Variants in SEMA5A observed in about 807,000 individuals in gnomAD.
SEMA5A encodes semaphorin 5A.
Under a neutral mutation model 135.5 loss-of-function variants are expected in SEMA5A, and 55 were observed. The observed-to-expected ratio is 0.41, with a 90% CI of 0.33 to 0.51. The LOEUF (loss-of-function observed/expected upper bound fraction) is 0.51. Ranked by LOEUF, SEMA5A falls within the 20% of genes least tolerant of loss-of-function variation. The pLI, the probability that SEMA5A is intolerant of heterozygous loss-of-function variation, is 0.37. For missense variants in SEMA5A, 1,290 were observed against 1,419.9 expected, an observed-to-expected ratio of 0.91 and a Z score of 1.47; for synonymous variants, 580 against 546.5, an observed-to-expected ratio of 1.06 and a Z score of -0.85.
At chr5:9,326,910 T>A (rs1425725738) in intron 4 of SEMA5A, among the ~76,000 whole-genome samples, 1 of 152,232 alleles carries the variant, frequency 6.6e-6, no homozygotes, top group East Asian at 1.9e-4. Flanking sequence ...ATGATTTAAT[T>A]TAATCATGTA....
At chr5:9,463,247 T>C (rs1759124262) in intron 1 of SEMA5A, among the ~76,000 whole-genome samples, 1 of 152,066 alleles carries the variant, frequency 6.6e-6, no homozygotes. Flanking sequence ...GAATTCTAAA[T>C]AAAAGATCAT....
At chr5:9,530,154 C>T (rs371487956) in intron 1 of SEMA5A, among the ~76,000 whole-genome samples, 1 of 152,122 alleles carries the variant, frequency 6.6e-6, no homozygotes. Context: ...ATGTTAGATG[C>T]GACCATTTCC....
At chr5:9,192,670 A>C (rs1015135130) in intron 10 of SEMA5A, among the ~76,000 whole-genome samples, 7 of 151,860 alleles carry the variant, frequency 4.6e-5, no homozygotes, top group Non-Finnish European at 1.0e-4. Flanking sequence ...ACCTGTCAAC[A>C]CATGTTTTAA....
intron 1 of SEMA5A, among the ~76,000 whole-genome samples, chr5:9,492,894 A>G (rs958724404): frequency 6.6e-6 from 1 of 152,116 alleles, no homozygotes; most frequent in Non-Finnish European, 1.5e-5. Flanking sequence ...AGCACAGGGG[A>G]TTTTTAGGGC....
chr5:9,271,822 C>T (rs1214130124), intron 5 of SEMA5A, among the ~76,000 whole-genome samples: 1 of 152,148 alleles, frequency 6.6e-6, no homozygotes, highest in Non-Finnish European at 1.5e-5. Context: ...TTGTACCATG[C>T]ACTCCGGCCC....
intron 2 of SEMA5A, 42 bp from the exon 3 acceptor site, chr5:9,380,065 G>A (rs889415703): frequency 2.0e-5 from 27 of 1,327,026 alleles, no homozygotes; most frequent in Admixed American, 2.0e-4. Flanking sequence ...CTGTGAGTTC[G>A]TTTTCTGGTG....
intron 2 of SEMA5A, among the ~76,000 whole-genome samples, chr5:9,382,009 C>T (rs2126488969): frequency 6.8e-6 from 1 of 146,822 alleles, no homozygotes; most frequent in Admixed American, 6.8e-5. Flanking sequence ...AAGTTTCAGA[C>T]ACGTGGCCAG....
At chr5:9,209,809 A>C (rs1431476885) in intron 8 of SEMA5A, among the ~76,000 whole-genome samples, 2 of 152,204 alleles carry the variant, frequency 1.3e-5, no homozygotes, top group Non-Finnish European at 2.9e-5. Context: ...AATAATATAG[A>C]GACAAATTTA....
intron 12 of SEMA5A, among the ~76,000 whole-genome samples, chr5:9,147,630 G>C (rs909996110): frequency 1.3e-5 from 2 of 150,530 alleles, no homozygotes; most frequent in African/African-American, 4.9e-5. Context: ...AATTTAAAAG[G>C]TGTGACTCTT....
chr5:9,325,140 C>A (rs1217461029), intron 4 of SEMA5A, among the ~76,000 whole-genome samples: 2 of 152,090 alleles, frequency 1.3e-5, no homozygotes, highest in Non-Finnish European at 2.9e-5. Flanking sequence ...CCTGTCATTA[C>A]CAAAATGAAA....
chr5:9,532,205 T>G (rs1468150720), intron 1 of SEMA5A, among the ~76,000 whole-genome samples: 1 of 152,118 alleles, frequency 6.6e-6, no homozygotes, highest in Non-Finnish European at 1.5e-5. Context: ...CCCCATCCTC[T>G]TATCAACTAC....
Position 9,416,947 on chromosome 5 carries a change from T to C in SEMA5A, c.-78+20809A>G, listed in dbSNP as rs141571621. 8.5e-5 allele frequency among the ~76,000 whole-genome samples: 13 copies of C among 152,324 alleles called. No homozygotes were observed. The East Asian group carries it at 2.5e-3, about 29-fold the overall frequency. On this transcript the variant is annotated intron_variant, in intron 2 of 22. Coordinates refer to ENST00000382496, the MANE Select transcript of SEMA5A (RefSeq NM_003966.3). ...TACACTGAAAAAAAGAGAGATGGAA[T>C]TTAGGTAGCATTATGTTCTGTAAGT...
At chr5:9,256,674 C>T (rs1749087348) in intron 5 of SEMA5A, among the ~76,000 whole-genome samples, 1 of 152,184 alleles carries the variant, frequency 6.6e-6, no homozygotes, top group South Asian at 2.1e-4. Context: ...AAGTCCTTCC[C>T]TTGGTTCAAC....
At chr5:9,060,344 G>A (rs1737117134) in intron 18 of SEMA5A, among the ~76,000 whole-genome samples, 1 of 152,182 alleles carries the variant, frequency 6.6e-6, no homozygotes, top group Non-Finnish European at 1.5e-5. Flanking sequence ...GTGACCCTTT[G>A]TACTTGTGCA....
At chr5:9,133,201 T>G (rs1210110854) in intron 13 of SEMA5A, among the ~76,000 whole-genome samples, 1 of 152,214 alleles carries the variant, frequency 6.6e-6, no homozygotes, top group African/African-American at 2.4e-5. Flanking sequence ...ATTTCAATAG[T>G]TTTTTTAAAT....
chr5:9,426,481 G>C (rs367632552), intron 2 of SEMA5A, among the ~76,000 whole-genome samples: 1 of 29,218 alleles, frequency 3.4e-5, no homozygotes, highest in Admixed American at 2.8e-4. Context: ...TAAAATAAAT[G>C]TGTATTGTCA....
intron 5 of SEMA5A, among the ~76,000 whole-genome samples, chr5:9,294,523 G>A (rs1309874400): frequency 6.6e-6 from 1 of 152,146 alleles, no homozygotes; most frequent in African/African-American, 2.4e-5. Flanking sequence ...CACCTATTGT[G>A]CTGAACTCTA....
chr5:9,341,341 A>G (rs1336810277), intron 3 of SEMA5A, among the ~76,000 whole-genome samples: 2 of 152,126 alleles, frequency 1.3e-5, no homozygotes, highest in Non-Finnish European at 2.9e-5. Flanking sequence ...AGATTTCAGT[A>G]GTAGCAGGAA....
intron 4 of SEMA5A, among the ~76,000 whole-genome samples, chr5:9,325,052 C>A (rs1052675353): frequency 6.6e-6 from 1 of 152,120 alleles, no homozygotes; most frequent in Admixed American, 6.5e-5. Context: ...GGCAGTGGTG[C>A]AAGAGGTTAA....
Sources: allele counts gnomAD v4.1 joint callset (sites outside exome capture counted in the v4.1 genomes callset), GRCh38; gene constraint gnomAD v4.1.1; transcripts MANE v1.5; gene names NCBI Gene and HGNC (gene_info 2026-07-23, HGNC 2026-07-21).